FANCI: variants seen among roughly 807,000 people sequenced by gnomAD.
FANCI encodes Fanconi anemia group I protein.
FANCI carries 156 observed loss-of-function variants against 176.1 expected under a neutral mutation model. The ratio of observed to expected loss-of-function variants is 0.89; its 90% CI spans 0.78 to 1.01. The LOEUF (loss-of-function observed/expected upper bound fraction) is 1.01. Among genes scored for constraint, FANCI ranks in the 50% least tolerant of loss-of-function variants. The pLI is 0.00. For synonymous variants in FANCI, 613 were observed against 541.7 expected (o/e 1.13, Z -1.83); for missense variants, 1,678 against 1,534.1 (o/e 1.09, Z -1.57).
intron 18 of FANCI, among the ~76,000 whole-genome samples, chr15:89,286,346 C>T (rs1292743567): frequency 6.6e-6 from 1 of 152,148 alleles, no homozygotes; most frequent in Non-Finnish European, 1.5e-5. Flanking sequence ...GGGTTTTCAA[C>T]AGTTTACTGA....
rs1345825284 is a variant in FANCI, at chr15:89,295,829, C to T, written c.2636+735C>T. Among the ~76,000 whole-genome samples the T allele has an allele frequency of 4.0e-5, 6 of 149,072 alleles. 1 individual carries two copies. The highest frequency in any genetic ancestry group is 4.2e-4 in the South Asian group (2 of 4,724). On this transcript the variant is annotated intron_variant, in intron 24 of 37. Coordinates refer to ENST00000310775, the MANE Select transcript of FANCI (RefSeq NM_001113378.2). ...CGCTCTATTGCCCAGGGTGGAATGC[C>T]GTGGTGCAATCTCGGCTCACTACAA... is the stretch of plus-strand genomic sequence containing the variant.
At chr15:89,307,930 GCT>G in intron 34 of FANCI, 1 of 1,354,688 alleles carries the variant, frequency 7.4e-7, no homozygotes, top group Non-Finnish European at 9.5e-7. Flanking sequence ...GAACAAGCAT[GCT>G]CAGGCTCAAG....
rs1415605220 is a variant in FANCI, at chr15:89,260,791, G to A, written c.236G>A (p.Gly79Glu). The change falls in exon 4 of 38, where the codon GGG (glycine) becomes GAG (glutamate). Residue 79 changes from glycine to glutamate, a missense_variant. By Grantham distance (98) the Gly-to-Glu change is moderately conservative. Transcript: ENST00000310775. ...YTCCIQLVESGDLQKEIASEI... is the reference protein window; with the variant it reads ...YTCCIQLVESEDLQKEIASEI... ...TGTTGTATCCAGTTGGTGGAATCGG[G>A]GGATTTGCAGAAAGAAATAGCGTCT... is the stretch of plus-strand genomic sequence containing the variant. 3 of 1,613,994 alleles carry A rather than the reference G, an allele frequency of 1.9e-6. No homozygotes were observed. In the East Asian group the frequency reaches 6.7e-5, roughly 36 times the overall value.
At chr15:89,247,603 C>T (rs749257879) in intron 1 of FANCI, 26 bp from the exon 2 acceptor site, 15 of 1,501,270 alleles carry the variant, frequency 1.0e-5, no homozygotes, top group Admixed American at 3.3e-5. Context: ...GAATCTTCAC[C>T]CACCTCTGAC....
At position 89,313,305 on chromosome 15, in the gene FANCI, C is replaced by T. The variant is rs74034408; in HGVS notation, c.3720+333C>T. ...AGTGAATTGTATGGTATATGAATTA[C>T]AGCTCTATCAAGCTGTTAGAAAAAA... On this transcript the variant is annotated intron_variant, in intron 35 of 37. Transcript: ENST00000310775. Among the ~76,000 whole-genome samples the T allele has an allele frequency of 4.3e-3, 656 of 152,200 alleles. 8 individuals are homozygous for T. Among genetic ancestry groups the T allele is most frequent in the African/African-American group, 0.015 (622 of 41,532 alleles).
chr15:89,286,849 A>G (rs1567161205), intron 18 of FANCI, among the ~76,000 whole-genome samples: 1 of 152,190 alleles, frequency 6.6e-6, no homozygotes, highest in Non-Finnish European at 1.5e-5. Flanking sequence ...TCTTCTTCCA[A>G]TATAAGGCTA....
rs774180579 is a variant in FANCI at position 89,307,533 on chromosome 15, A to C, written c.3591+4A>C. 8.1e-6 allele frequency: 13 copies of C among 1,614,076 alleles called. No homozygotes were observed. Among genetic ancestry groups the C allele is most frequent in the Non-Finnish European group, 9.3e-6 (11 of 1,180,024 alleles). ...TCCAAAAAATATGGAAAAGCTGGTG[A>C]GTTGAGAATGCCTTTCCTAGGAATG... On this transcript the variant is annotated splice_donor_region_variant and intron_variant, in intron 33 of 37. Transcript: ENST00000310775.
intron 26 of FANCI, among the ~76,000 whole-genome samples, 173 bp downstream of exon 26, chr15:89,300,558 G>T (rs768136478): frequency 2.0e-5 from 3 of 152,196 alleles, no homozygotes; most frequent in Non-Finnish European, 4.4e-5. Context: ...TATTTAAAAG[G>T]ACCCTAGTGA....
intron 13 of FANCI, 22 bp downstream of exon 13, chr15:89,276,913 C>A (rs750088282): frequency 1.2e-6 from 2 of 1,613,634 alleles, no homozygotes; most frequent in South Asian, 1.1e-5. Flanking sequence ...TTTTGGCAAC[C>A]ACTCCCTAAT....
At chr15:89,302,577 A>AG (rs2054563953) in intron 27 of FANCI, among the ~76,000 whole-genome samples, 4 of 144,936 alleles carry the variant, frequency 2.8e-5, no homozygotes, top group Admixed American at 2.8e-4. Context: ...TTAAAAAAAA[A>AG]TTTTTTTTTT....
intron 19 of FANCI, among the ~76,000 whole-genome samples, chr15:89,291,296 A>G (rs753442262): frequency 6.6e-6 from 1 of 152,164 alleles, no homozygotes; most frequent in Non-Finnish European, 1.5e-5. Flanking sequence ...TGGTACTGGG[A>G]TCTTGGACTC....
Position 89,279,054 on chromosome 15 carries a change from T to C in FANCI, c.1381+280T>C, listed in dbSNP as rs59856106. Among the ~76,000 whole-genome samples the C allele has an allele frequency of 3.8e-3, 578 of 152,382 alleles. 5 individuals carry two copies. The highest frequency in any genetic ancestry group is 0.013 in the African/African-American group (552 of 41,592). ...ACCTCTCAAATGAGTGCTGTCCTGC[T>C]GCTGCCACTCATTGACTTCCTAGTC... On this transcript the variant is annotated intron_variant, in intron 14 of 37. Transcript: ENST00000310775.
chr15:89,265,412 G>T (rs997009080), intron 9 of FANCI, among the ~76,000 whole-genome samples: 1 of 151,890 alleles, frequency 6.6e-6, no homozygotes, highest in Non-Finnish European at 1.5e-5. Flanking sequence ...TTGCCATGTT[G>T]GCCAGGCTGG....
At chr15:89,310,038 CATG>C (rs2054894092) in intron 34 of FANCI, among the ~76,000 whole-genome samples, 1 of 152,194 alleles carries the variant, frequency 6.6e-6, no homozygotes, top group South Asian at 2.1e-4. Flanking sequence ...TCCCCATATG[CATG>C]ATGAGAAAGG....
At position 89,278,775 on chromosome 15, in the gene FANCI, G is replaced by A; in HGVS notation, c.1381+1G>A. On this transcript the variant is annotated splice_donor_variant, in intron 14 of 37. Transcript: ENST00000310775. LOFTEE classifies it high-confidence loss of function. Reference sequence around the variant, plus strand: ...TCTTCTCCCATCAGTCATTTCTTAGGTATTCAACTTTGAAAGAATGAATAA... The same window carrying A: ...TCTTCTCCCATCAGTCATTTCTTAGATATTCAACTTTGAAAGAATGAATAA... 3 of 1,609,066 alleles carry A rather than the reference G, an allele frequency of 1.9e-6. No homozygotes were observed. Among genetic ancestry groups the A allele is most frequent in the African/African-American group, 1.3e-5 (1 of 74,962 alleles).
Position 89,292,694 on chromosome 15 carries a change from C to T in FANCI, c.1999C>T (p.Leu667=). The T allele has an allele frequency of 1.2e-6, 2 of 1,613,368 alleles. No homozygotes were observed. The highest frequency in any genetic ancestry group is 1.7e-6 in the Non-Finnish European group (2 of 1,179,800). Residue 667 remains leucine, a synonymous_variant, in exon 21 of 38, where the codon CTG becomes TTG. Transcript: ENST00000310775. ...KISLQEPLDY[L]LCCIQHCLAW... ...TACTTATTTTCTCCTACAGGATTAT[C>T]TGCTGTGTTGTATTCAGCATTGTTT... is the stretch of plus-strand genomic sequence containing the variant.
At position 89,247,632 on chromosome 15, in the gene FANCI, T is replaced by C. The variant is rs1350520384; in HGVS notation, c.-16T>C. 1 of 1,610,488 alleles carries C rather than the reference T, an allele frequency of 6.2e-7. No individual in the cohort carries two copies. Among genetic ancestry groups the C allele is most frequent in the Non-Finnish European group, 8.5e-7 (1 of 1,176,748 alleles). On this transcript the variant is annotated 5_prime_UTR_variant, in exon 2 of 38. Coordinates refer to ENST00000310775, the MANE Select transcript of FANCI (RefSeq NM_001113378.2). ...CTCTGACGTTTTTCCCTTGTAGTTC[T>C]GTGATATGAGCAACAATGGACCAGA...
chr15:89,268,703 C>CT (rs906117022), intron 10 of FANCI, 178 bp downstream of exon 10: 217 of 672,616 alleles, frequency 3.2e-4, no homozygotes, highest in East Asian at 5.4e-4. Flanking sequence ...ACCACACTCC[C>CT]TTTTTTTTAA....
At chr15:89,290,170 A>T (rs987718031) in intron 18 of FANCI, 43 bp from the exon 19 acceptor site, 2 of 1,408,892 alleles carry the variant, frequency 1.4e-6, no homozygotes, top group Non-Finnish European at 1.0e-6. Context: ...GATCACTAGT[A>T]TCTCTGTTAA....
Sources: gnomAD v4.1 joint callset for allele counts (sites outside exome capture counted in the v4.1 genomes callset) on GRCh38, gnomAD v4.1.1 for gene constraint, MANE v1.5 for transcripts, NCBI Gene and HGNC (gene_info 2026-07-23, HGNC 2026-07-21) for gene names.